Variants in CDC73 observed in about 807,000 individuals in gnomAD.
CDC73 encodes cell division cycle 73, also known as parafibromin.
A neutral mutation model predicts 83.7 loss-of-function variants in CDC73; 21 were observed. That is an observed-to-expected ratio of 0.25 (90% CI 0.18 to 0.36). The LOEUF (loss-of-function observed/expected upper bound fraction) is 0.36. CDC73 is among the 10% of genes least tolerant of loss of function. CDC73 has a pLI of 1.00. For missense variants in CDC73, 342 were observed against 653.3 expected (o/e 0.52, Z 5.19); for synonymous variants, 224 against 212.9 (o/e 1.05, Z -0.45).
chr1:193,201,099 G>A (rs879189572), intron 10 of CDC73, among the ~76,000 whole-genome samples: 1 of 151,712 alleles, frequency 6.6e-6, no homozygotes, highest in Admixed American at 6.6e-5. Flanking sequence ...GCGGGGGTGG[G>A]TGTGTATACC....
intron 13 of CDC73, among the ~76,000 whole-genome samples, chr1:193,223,087 T>G (rs1677500492): frequency 6.6e-6 from 1 of 152,184 alleles, no homozygotes; most frequent in African/African-American, 2.4e-5. Context: ...TCTTTTTTAC[T>G]GTACATATTT....
intron 10 of CDC73, among the ~76,000 whole-genome samples, chr1:193,156,641 T>C (rs113643703): frequency 0.017 from 2,612 of 152,250 alleles, 41 homozygotes; most frequent in Non-Finnish European, 0.025. Flanking sequence ...CACCACTGTT[T>C]TATAAAGCTT....
chr1:193,193,324 TA>T (rs1296289489), intron 10 of CDC73, among the ~76,000 whole-genome samples: 1 of 152,224 alleles, frequency 6.6e-6, no homozygotes, highest in African/African-American at 2.4e-5. Flanking sequence ...CCTTGATGGA[TA>T]CATAGATCAT....
intron 3 of CDC73, among the ~76,000 whole-genome samples, chr1:193,131,473 T>A (rs1421769519): frequency 6.6e-6 from 1 of 152,240 alleles, no homozygotes; most frequent in Non-Finnish European, 1.5e-5. Flanking sequence ...TTTCCTATAG[T>A]GTAGTCTTAG....
At chr1:193,193,516 T>C (rs1043235823) in intron 10 of CDC73, among the ~76,000 whole-genome samples, 2 of 152,204 alleles carry the variant, frequency 1.3e-5, no homozygotes, top group Non-Finnish European at 2.9e-5. Context: ...GCATTTCCTG[T>C]ATTTTCACCC....
At chr1:193,176,110 G>A (rs768215890) in intron 10 of CDC73, among the ~76,000 whole-genome samples, 4 of 152,012 alleles carry the variant, frequency 2.6e-5, no homozygotes, top group African/African-American at 7.2e-5. Context: ...GTGAAACATT[G>A]GGCTAGTTTT....
At chr1:193,234,949 T>A (rs1475206563) in intron 14 of CDC73, among the ~76,000 whole-genome samples, 1 of 152,066 alleles carries the variant, frequency 6.6e-6, no homozygotes, top group Non-Finnish European at 1.5e-5. Flanking sequence ...TTTAGGGAGA[T>A]TTTGAGCAGG....
Position 193,212,448 on chromosome 1 carries a change from T to A in CDC73, c.1125T>A (p.Leu375=). 6.2e-7 allele frequency: 1 copy of A among 1,606,796 alleles called. No homozygotes were observed. The highest frequency in any genetic ancestry group is 8.5e-7 in the Non-Finnish European group (1 of 1,174,562). ...CTACCACCTCTTTAATAACCATGCT[T>A]AATGCAAAAGACCTTCTACAGGACC... The part of the protein sequence containing the change: ...PAATTSLITM[L]NAKDLLQDLK... The change falls in exon 13 of 17, where the codon CTT becomes CTA. Residue 375 remains leucine, a synonymous_variant. Coordinates refer to ENST00000367435, the MANE Select transcript of CDC73 (RefSeq NM_024529.5).
At chr1:193,225,805 C>T (rs918337654) in intron 13 of CDC73, among the ~76,000 whole-genome samples, 3 of 151,782 alleles carry the variant, frequency 2.0e-5, no homozygotes, top group African/African-American at 7.3e-5. Flanking sequence ...GGATATTAGT[C>T]CTTTGTCAGA....
At chr1:193,153,909 C>T (rs1040177444) in intron 10 of CDC73, among the ~76,000 whole-genome samples, 21 of 152,108 alleles carry the variant, frequency 1.4e-4, no homozygotes, top group Admixed American at 8.5e-4. Context: ...CATTCCTCTA[C>T]GTCAAGGCAG....
chr1:193,163,049 A>G (rs897783995), intron 10 of CDC73, among the ~76,000 whole-genome samples: 24 of 152,132 alleles, frequency 1.6e-4, no homozygotes, highest in African/African-American at 5.8e-4. Flanking sequence ...GTATTTCACA[A>G]TATCCTTAGG....
rs761807789 is a variant in CDC73 at position 193,135,431 on chromosome 1, A to G, written c.348A>G (p.Ile116Met). 2 of 1,613,774 alleles carry G rather than the reference A, an allele frequency of 1.2e-6. No homozygotes were observed. The highest frequency in any genetic ancestry group is 1.7e-6 in the Non-Finnish European group (2 of 1,179,706). Residue 116 changes from isoleucine (I) to methionine (M), a missense_variant, in exon 4 of 17, where the codon ATA (isoleucine) becomes ATG (methionine). By Grantham distance (10) the Ile-to-Met change is conservative (BLOSUM62 1). Coordinates refer to ENST00000367435, the MANE Select transcript of CDC73 (RefSeq NM_024529.5). ...ASIDRSAPLEIGLQRSTQVKR... is the reference protein window; with the variant it reads ...ASIDRSAPLEMGLQRSTQVKR... The stretch of plus-strand genomic sequence containing the variant: ...TAGACAGAAGCGCTCCCTTAGAAAT[A>G]GGTCTTCAGCGATCTACTCAAGGTA...
At chr1:193,153,877 T>A (rs1426640495) in intron 10 of CDC73, among the ~76,000 whole-genome samples, 2 of 152,090 alleles carry the variant, frequency 1.3e-5, no homozygotes, top group East Asian at 3.9e-4. Context: ...GAGGTAACAG[T>A]TGAGCAGAGA....
At position 193,138,306 on chromosome 1, in the gene CDC73, C is replaced by T. The variant is rs529803073; in HGVS notation, c.512+133C>T. 171 of 715,182 alleles carry T rather than the reference C, an allele frequency of 2.4e-4. 1 individual carries two copies. The African/African-American group carries it at 2.5e-3, about 10-fold the overall frequency. 44.3% of individuals were successfully genotyped at this position (715,182 alleles called of 1,614,324 possible). A position where few individuals can be genotyped will look rare whatever the true frequency, so the allele number is the denominator to read the frequency against. On this transcript the variant is annotated intron_variant, in intron 6 of 16. Transcript: ENST00000367435. ...TTTTATGCCTCTTTGCTCTTAAGTT[C>T]GTAAGAACATGTGTGGGGATTGGAA...
intron 10 of CDC73, among the ~76,000 whole-genome samples, chr1:193,155,680 G>A (rs1223974682): frequency 6.6e-6 from 1 of 152,104 alleles, no homozygotes; most frequent in African/African-American, 2.4e-5. Flanking sequence ...CCGAGGCTGA[G>A]GCAGGAGAAT....
At chr1:193,163,572 A>G (rs1458087209) in intron 10 of CDC73, among the ~76,000 whole-genome samples, 1 of 152,048 alleles carries the variant, frequency 6.6e-6, no homozygotes, top group African/African-American at 2.4e-5. Context: ...ATAACTTGAT[A>G]TTGGAAAATA....
intron 7 of CDC73, among the ~76,000 whole-genome samples, chr1:193,146,472 CAGAA>C (rs1417730189): frequency 6.8e-6 from 1 of 147,216 alleles, no homozygotes; most frequent in African/African-American, 2.5e-5. Flanking sequence ...TGGCAGAAGG[CAGAA>C]GCAAGCAAGC....
chr1:193,252,103 A>G lies in CDC73; in HGVS notation c.*1391A>G, dbSNP rs1678052916. On this transcript the variant is annotated 3_prime_UTR_variant, in exon 17 of 17. Transcript: ENST00000367435. ...TATTTTTTAAGTGATCACATAGTTC[A>G]TACCACTAGTAACTAGAAAAGATAT... 2 of 231,242 alleles carry G rather than the reference A, an allele frequency of 8.6e-6. No individual in the cohort carries two copies. The highest frequency in any genetic ancestry group is 8.6e-6 in the Non-Finnish European group (1 of 116,818). 14.3% of individuals were successfully genotyped at this position (231,242 alleles called of 1,614,324 possible).
rs750567180 is a variant in CDC73 at position 193,212,367 on chromosome 1, A to T, written c.1067-23A>T. On this transcript the variant is annotated intron_variant, in intron 12 of 16. Transcript: ENST00000367435. ...TATAATTTCTAATAATATATTTTCT[A>T]CCTGTAAATTTTGTCTTTATAGGAT... The T allele has an allele frequency of 1.1e-4, 144 of 1,351,540 alleles. No individual in the cohort carries two copies. Among genetic ancestry groups the T allele is most frequent in the Non-Finnish European group, 1.4e-4 (137 of 957,204 alleles). 83.7% of individuals were successfully genotyped at this position (1,351,540 alleles called of 1,614,324 possible). A position where few individuals can be genotyped will look rare whatever the true frequency, so the allele number is the denominator to read the frequency against.
Sources: gnomAD v4.1 joint callset for allele counts (sites outside exome capture counted in the v4.1 genomes callset) on GRCh38, gnomAD v4.1.1 for gene constraint, MANE v1.5 for transcripts, NCBI Gene and HGNC (gene_info 2026-07-23, HGNC 2026-07-21) for gene names.